CBLB: variants seen among roughly 807,000 people sequenced by gnomAD.
CBLB encodes the protein E3 ubiquitin-protein ligase CBL-B.
Under a neutral mutation model 104.9 loss-of-function variants are expected in CBLB, and 31 were observed. The observed-to-expected ratio is 0.30, with a 90% confidence interval of 0.22 to 0.40. The LOEUF is 0.40. Among genes scored for constraint, CBLB ranks in the 10% least tolerant of loss-of-function variants. The pLI is 1.00. For synonymous variants in CBLB, 440 were observed against 422.6 expected (o/e 1.04, Z -0.51); for missense variants, 1,062 against 1,214.6 (o/e 0.87, Z 1.87).
At chr3:105,660,498 T>G (rs2063686999) in intron 18 of CBLB, among the ~76,000 whole-genome samples, 1 of 152,080 alleles carries the variant, frequency 6.6e-6, no homozygotes, top group Non-Finnish European at 1.5e-5. Flanking sequence ...GGCCCATATA[T>G]ACATTTTAAA....
rs749710812 is a variant in CBLB, at chr3:105,740,572, C to T, written c.905G>A (p.Gly302Glu). ...LGQWAIGYVT[G>E]DGNILQTIPH... is the part of the protein sequence containing the mutation. ...TATGGTCTGTAAGATATTCCCATCC[C>T]CAGTCACATAGCCAATGGCCCACTG... The change falls in exon 7 of 19, where the codon GGG becomes GAG. Residue 302 changes from glycine to glutamate, a missense_variant. By Grantham distance (98) the Gly-to-Glu change is moderately conservative. This residue lies in a region of CBLB where 457 missense variants were observed against 632.0 expected (regional missense o/e 0.72). Transcript: ENST00000394030. 5 of 1,613,982 alleles carry T rather than the reference C, an allele frequency of 3.1e-6. No individual in the cohort carries two copies. Among genetic ancestry groups the T allele is most frequent in the Middle Eastern group, 1.7e-4 (1 of 6,058 alleles).
intron 8 of CBLB, among the ~76,000 whole-genome samples, chr3:105,735,877 C>T (rs544356258): frequency 6.6e-6 from 1 of 152,200 alleles, no homozygotes; most frequent in East Asian, 1.9e-4. Context: ...ACCCAGAGGG[C>T]AGAGGTTGTA....
intron 13 of CBLB, among the ~76,000 whole-genome samples, chr3:105,685,939 T>C (rs2065349009): frequency 1.3e-5 from 2 of 152,278 alleles, no homozygotes; most frequent in South Asian, 2.1e-4. Flanking sequence ...GTTGGAAAAA[T>C]ATCCAGTTTA....
At chr3:105,708,720 T>C (rs1198489474) in intron 10 of CBLB, among the ~76,000 whole-genome samples, 3 of 151,900 alleles carry the variant, frequency 2.0e-5, no homozygotes, top group African/African-American at 7.2e-5. Context: ...TATCTGTAGA[T>C]TAAAGAATAA....
At chr3:105,821,809 C>G (rs1246715227) in intron 3 of CBLB, among the ~76,000 whole-genome samples, 1 of 152,112 alleles carries the variant, frequency 6.6e-6, no homozygotes, top group Non-Finnish European at 1.5e-5. Context: ...TCCCTCCTAC[C>G]TCAGAGGAAG....
At chr3:105,858,576 G>A (rs2091825084) in intron 2 of CBLB, among the ~76,000 whole-genome samples, 1 of 152,138 alleles carries the variant, frequency 6.6e-6, no homozygotes, top group African/African-American at 2.4e-5. Context: ...GAACTTTGTA[G>A]GGCACCGATT....
At chr3:105,672,166 A>G (rs1391245536) in intron 17 of CBLB, 1 of 191,686 alleles carries the variant, frequency 5.2e-6, no homozygotes, top group Non-Finnish European at 1.1e-5. Context: ...AAATACACTT[A>G]ATGCTATTTC....
chr3:105,658,829 A>G lies in CBLB; in HGVS notation c.*141T>C. The G allele has an allele frequency of 1.2e-6, 1 of 846,432 alleles. No homozygotes were observed. Among genetic ancestry groups the G allele is most frequent in the Non-Finnish European group, 1.9e-6 (1 of 529,820 alleles). The allele number at this position is 846,432 out of a possible 1,614,324, so 52.4% of individuals were successfully genotyped here. On this transcript the variant is annotated 3_prime_UTR_variant, in exon 19 of 19. Coordinates refer to ENST00000394030, the MANE Select transcript of CBLB (RefSeq NM_170662.5). ...TGAGCAAGCATCGGTCTCCTTTGAG[A>G]AGCTGCACTCCCAAGCCTCTTCTCA...
At chr3:105,665,442 T>TATATATACATAC (rs1182735970) in intron 18 of CBLB, among the ~76,000 whole-genome samples, 1 of 67,234 alleles carries the variant, frequency 1.5e-5, no homozygotes, top group African/African-American at 4.9e-5. Flanking sequence ...TATATATATA[T>TATATATACATAC]ACACACACAC....
intron 3 of CBLB, among the ~76,000 whole-genome samples, chr3:105,801,020 C>T (rs1194769660): frequency 6.6e-6 from 1 of 151,924 alleles, no homozygotes; most frequent in Admixed American, 6.6e-5. Flanking sequence ...AAAAAAATCT[C>T]GGGAAGAGAC....
chr3:105,830,750 G>A (rs1310100942), intron 3 of CBLB, among the ~76,000 whole-genome samples: 1 of 152,202 alleles, frequency 6.6e-6, no homozygotes, highest in African/African-American at 2.4e-5. Context: ...AGCCTAATGT[G>A]AAGTACAATG....
chr3:105,800,574 A>G (rs1293989390), intron 3 of CBLB, among the ~76,000 whole-genome samples: 1 of 152,154 alleles, frequency 6.6e-6, no homozygotes, highest in Non-Finnish European at 1.5e-5. Context: ...CAGAACAACT[A>G]GCCTTAGACT....
At chr3:105,710,883 T>A (rs1474098363) in intron 10 of CBLB, among the ~76,000 whole-genome samples, 2 of 151,970 alleles carry the variant, frequency 1.3e-5, no homozygotes, top group Non-Finnish European at 2.9e-5. Context: ...AATCCACATG[T>A]TCAATCTTAA....
chr3:105,756,997 T>C (rs1235543078), intron 4 of CBLB, among the ~76,000 whole-genome samples: 1 of 152,162 alleles, frequency 6.6e-6, no homozygotes, highest in Non-Finnish European at 1.5e-5. Flanking sequence ...CCTTGCTCTC[T>C]CTTGCTCCTG....
intron 3 of CBLB, among the ~76,000 whole-genome samples, chr3:105,786,335 T>A (rs781080321): frequency 6.6e-6 from 1 of 152,122 alleles, no homozygotes; most frequent in Non-Finnish European, 1.5e-5. Context: ...TAAAAAGCCA[T>A]TATATTGATG....
intron 3 of CBLB, among the ~76,000 whole-genome samples, chr3:105,847,071 ATTGTGGCTGCTG>A (rs1485271602): frequency 1.3e-5 from 2 of 152,032 alleles, no homozygotes; most frequent in Non-Finnish European, 2.9e-5. Context: ...TCTTGTTATT[ATTGTGGCTGCTG>A]TTGCTTTTGA....
At chr3:105,728,403 C>T (rs1041474725) in intron 9 of CBLB, among the ~76,000 whole-genome samples, 11 of 152,146 alleles carry the variant, frequency 7.2e-5, no homozygotes, top group Admixed American at 6.5e-4. Context: ...ATACAACTTA[C>T]AAGGGATGTG....
chr3:105,676,552 T>A (rs1031218787), intron 17 of CBLB, among the ~76,000 whole-genome samples: 1 of 152,142 alleles, frequency 6.6e-6, no homozygotes, highest in Non-Finnish European at 1.5e-5. Context: ...GAACTTAGCA[T>A]CAGGAAATTT....
intron 13 of CBLB, 108 bp downstream of exon 13, chr3:105,693,386 T>G: frequency 1.4e-6 from 1 of 724,836 alleles, no homozygotes; most frequent in South Asian, 1.5e-5. Context: ...CTGTTTACTA[T>G]CAATGACTTT....
Sources: allele counts gnomAD v4.1 joint callset (sites outside exome capture counted in the v4.1 genomes callset), GRCh38; gene constraint gnomAD v4.1.1; regional missense constraint gnomAD v4.1.1; transcripts MANE v1.5; gene names NCBI Gene and HGNC (gene_info 2026-07-23, HGNC 2026-07-21).